Variants in ADGRL2 observed in about 807,000 individuals in gnomAD.
The protein encoded by ADGRL2 is adhesion G protein-coupled receptor L2, also known as calcium-independent alpha-latrotoxin receptor 2.
Under a neutral mutation model 157.4 loss-of-function variants are expected in ADGRL2, and 44 were observed. The ratio of observed to expected loss-of-function variants is 0.28; its 90% CI spans 0.22 to 0.36. The LOEUF is 0.36. ADGRL2 is among the 10% of genes least tolerant of loss of function. The pLI is 1.00. For synonymous variants in ADGRL2, 585 were observed against 624.7 expected (o/e 0.94, Z 0.95); for missense variants, 1,510 against 1,768.9 (o/e 0.85, Z 2.63).
chr1:81,364,307 C>T (rs1171976823), intron 1 of ADGRL2, among the ~76,000 whole-genome samples: 1 of 151,790 alleles, frequency 6.6e-6, no homozygotes, highest in Non-Finnish European at 1.5e-5. Context: ...ATTTCCTGTT[C>T]AAAGTACAGT....
intron 18 of ADGRL2, 129 bp from the exon 19 acceptor site, chr1:81,981,679 C>T (rs1281940660): frequency 1.3e-6 from 1 of 767,362 alleles, no homozygotes; most frequent in African/African-American, 1.7e-5. Flanking sequence ...AGGTTAAAAC[C>T]AAAATGCTGT....
chr1:81,951,246 A>G (rs1390116030), intron 8 of ADGRL2, 125 bp downstream of exon 8: 2 of 598,452 alleles, frequency 3.3e-6, no homozygotes, highest in Non-Finnish European at 5.9e-6. Context: ...AGTAAAAAAA[A>G]ATTACGCATA....
At chr1:81,386,141 T>TA (rs1179241238) in intron 1 of ADGRL2, among the ~76,000 whole-genome samples, 1 of 152,106 alleles carries the variant, frequency 6.6e-6, no homozygotes, top group African/African-American at 2.4e-5. Context: ...TTCTTTACCA[T>TA]AAAAAATGAC....
chr1:81,314,849 T>C (rs533706039), intron 1 of ADGRL2, among the ~76,000 whole-genome samples: 1 of 152,300 alleles, frequency 6.6e-6, no homozygotes, highest in Non-Finnish European at 1.5e-5. Flanking sequence ...TGTCTGACTT[T>C]ATAACATTGT....
intron 2 of ADGRL2, among the ~76,000 whole-genome samples, chr1:81,883,946 T>A (rs1054810054): frequency 6.6e-6 from 1 of 151,994 alleles, no homozygotes; most frequent in Non-Finnish European, 1.5e-5. Context: ...TACTCAAGTG[T>A]TATGGATTCT....
intron 2 of ADGRL2, among the ~76,000 whole-genome samples, chr1:81,844,076 C>G (rs1316228407): frequency 6.6e-6 from 1 of 152,090 alleles, no homozygotes; most frequent in African/African-American, 2.4e-5. Context: ...GGTAAACCTC[C>G]ATTTTCTGAC....
At chr1:81,917,746 C>G (rs183096445) in intron 3 of ADGRL2, among the ~76,000 whole-genome samples, 1 of 152,198 alleles carries the variant, frequency 6.6e-6, no homozygotes, top group East Asian at 1.9e-4. Context: ...TGAGATGATT[C>G]CAGTGGTCTT....
At chr1:81,416,150 G>A (rs922047339) in intron 1 of ADGRL2, among the ~76,000 whole-genome samples, 1 of 151,762 alleles carries the variant, frequency 6.6e-6, no homozygotes, top group African/African-American at 2.4e-5. Flanking sequence ...GTGCCTGGCC[G>A]GTCTCCTTTT....
At chr1:81,949,670 C>T (rs1429621981) in intron 6 of ADGRL2, among the ~76,000 whole-genome samples, 1 of 152,188 alleles carries the variant, frequency 6.6e-6, no homozygotes, top group African/African-American at 2.4e-5. Context: ...CATGCTCAGG[C>T]AAGAACGGCT....
intron 11 of ADGRL2, among the ~76,000 whole-genome samples, chr1:81,960,424 T>C (rs1435880694): frequency 1.3e-5 from 2 of 152,170 alleles, no homozygotes; most frequent in African/African-American, 2.4e-5. Flanking sequence ...TTAGATGTTA[T>C]CAGCCTGATC....
intron 1 of ADGRL2, among the ~76,000 whole-genome samples, chr1:81,417,469 G>A (rs1304489064): frequency 1.3e-5 from 2 of 152,028 alleles, no homozygotes; most frequent in Admixed American, 6.5e-5. Flanking sequence ...TTAGAGAATA[G>A]TAAGATAAGT....
intron 2 of ADGRL2, among the ~76,000 whole-genome samples, chr1:81,896,392 T>A (rs1272940715): frequency 6.6e-6 from 1 of 152,186 alleles, no homozygotes; most frequent in Non-Finnish European, 1.5e-5. Context: ...GATTTTGAAC[T>A]CTAGCAGGTC....
At chr1:81,371,308 A>G (rs2076156609) in intron 1 of ADGRL2, among the ~76,000 whole-genome samples, 1 of 152,206 alleles carries the variant, frequency 6.6e-6, no homozygotes, top group Admixed American at 6.5e-5. Flanking sequence ...AATACCAAGT[A>G]AGGTTGAAAT....
intron 2 of ADGRL2, among the ~76,000 whole-genome samples, chr1:81,870,099 T>C (rs2093653633): frequency 2.0e-5 from 3 of 152,124 alleles, no homozygotes; most frequent in African/African-American, 4.8e-5. Context: ...AGCGTATGTA[T>C]CTGCAGATAA....
chr1:81,637,147 T>C (rs1570701129), intron 3 of ADGRL2, among the ~76,000 whole-genome samples: 2 of 152,152 alleles, frequency 1.3e-5, no homozygotes, highest in East Asian at 3.9e-4. Flanking sequence ...CCGGGCTTGT[T>C]GTTTTTCAAG....
At chr1:81,336,811 AC>A (rs1301712837) in intron 1 of ADGRL2, among the ~76,000 whole-genome samples, 1 of 152,070 alleles carries the variant, frequency 6.6e-6, no homozygotes, top group Non-Finnish European at 1.5e-5. Context: ...CAAAGTGAGA[AC>A]TTTACCTCCC....
At chr1:81,313,776 G>A (rs1659919302) in intron 1 of ADGRL2, among the ~76,000 whole-genome samples, 1 of 152,236 alleles carries the variant, frequency 6.6e-6, no homozygotes, top group Admixed American at 6.5e-5. Flanking sequence ...ACAGCTTGTA[G>A]GATTTTTCTG....
intron 2 of ADGRL2, among the ~76,000 whole-genome samples, chr1:81,460,554 T>C (rs909632132): frequency 6.6e-6 from 1 of 152,188 alleles, no homozygotes; most frequent in Non-Finnish European, 1.5e-5. Context: ...TAAAACTTTC[T>C]TTAAAATTTC....
chr1:81,656,785 G>A (rs61773241), intron 3 of ADGRL2, among the ~76,000 whole-genome samples: 1,603 of 152,100 alleles, frequency 0.011, 9 homozygotes, highest in Non-Finnish European at 0.018. Flanking sequence ...TGAGACGGGT[G>A]GATTGCTTGA....
Sources: allele counts gnomAD v4.1 joint callset (sites outside exome capture counted in the v4.1 genomes callset), GRCh38; gene constraint gnomAD v4.1.1; transcripts MANE v1.5; gene names NCBI Gene and HGNC (gene_info 2026-07-23, HGNC 2026-07-21).